The following BIRC6 variants were observed in gnomAD, a reference collection of about 807,000 sequenced individuals.
BIRC6 encodes baculoviral IAP repeat containing 6.
Under a neutral mutation model 503.3 loss-of-function variants are expected in BIRC6, and 98 were observed. The observed-to-expected ratio is 0.19, with a 90% CI of 0.17 to 0.23. The LOEUF is 0.23. Ranked by LOEUF, BIRC6 falls within the 10% of genes least tolerant of loss-of-function variation. The pLI is 1.00. For synonymous variants in BIRC6, 2,240 were observed against 2,078.7 expected (o/e 1.08, Z -2.11); for missense variants, 5,360 against 5,806.0 (o/e 0.92, Z 2.50).
At chr2:32,484,177 G>T (rs1488554932) in intron 39 of BIRC6, among the ~76,000 whole-genome samples, 1 of 152,116 alleles carries the variant, frequency 6.6e-6, no homozygotes, top group Non-Finnish European at 1.5e-5. Flanking sequence ...GTGCCCGGCT[G>T]CTGTAAAAAG....
At chr2:32,459,292 A>C (rs1351880369) in intron 23 of BIRC6, among the ~76,000 whole-genome samples, 1 of 152,210 alleles carries the variant, frequency 6.6e-6, no homozygotes, top group East Asian at 1.9e-4. Flanking sequence ...TTCTGGCTGA[A>C]TATTCCATTT....
chr2:32,439,780 A>G lies in BIRC6; in HGVS notation c.3810+94A>G, dbSNP rs2045196582. On this transcript the variant is annotated intron_variant, in intron 16 of 73. Coordinates refer to ENST00000421745, the MANE Select transcript of BIRC6 (RefSeq NM_016252.4). The stretch of plus-strand genomic sequence containing the variant: ...TTAGAAGTAGTATGACCTTTCAGTG[A>G]TGTTTTACTATACGCTTGGTTTGTT... The G allele has an allele frequency of 1.3e-5, 14 of 1,077,234 alleles. 1 individual carries two copies. Among genetic ancestry groups the G allele is most frequent in the African/African-American group, 3.2e-5 (2 of 62,244 alleles). The allele number at this position is 1,077,234 out of a possible 1,614,324, so 66.7% of individuals were successfully genotyped here.
At chr2:32,392,431 T>G (rs529953427) in intron 5 of BIRC6, among the ~76,000 whole-genome samples, 84 of 151,890 alleles carry the variant, frequency 5.5e-4, no homozygotes, top group Non-Finnish European at 1.1e-3. Context: ...AATTTTTGTA[T>G]TTTTAGTAGA....
chr2:32,414,765 A>G lies in BIRC6; in HGVS notation c.1478-4A>G. On this transcript the variant is annotated splice_region_variant and splice_polypyrimidine_tract_variant and intron_variant, in intron 9 of 73. Coordinates refer to ENST00000421745, the MANE Select transcript of BIRC6 (RefSeq NM_016252.4). ...TATCTAATGAATATTGTTCCTTTTT[A>G]AAGGGCATACATCACAGAAGGAAGC... 3.7e-6 allele frequency: 6 copies of G among 1,602,798 alleles called. No individual in the cohort carries two copies. The South Asian group carries it at 6.7e-5, about 18-fold the overall frequency.
At chr2:32,403,646 A>G (rs2040842136) in intron 8 of BIRC6, among the ~76,000 whole-genome samples, 1 of 152,218 alleles carries the variant, frequency 6.6e-6, no homozygotes, top group Admixed American at 6.5e-5. Flanking sequence ...TACTGTTACA[A>G]TATTAGTATG....
chr2:32,541,961 C>G (rs1572907646), intron 61 of BIRC6, among the ~76,000 whole-genome samples: 1 of 151,942 alleles, frequency 6.6e-6, no homozygotes, highest in South Asian at 2.1e-4. Context: ...AATCAATTTT[C>G]TTTTGCGTGG....
intron 39 of BIRC6, among the ~76,000 whole-genome samples, chr2:32,483,448 C>T (rs1490586525): frequency 2.6e-5 from 4 of 152,040 alleles, no homozygotes; most frequent in African/African-American, 9.7e-5. Flanking sequence ...TTTTGTTTTA[C>T]AAATCAGGAC....
At chr2:32,435,701 T>A in intron 14 of BIRC6, 116 bp downstream of exon 14, 3 of 1,096,674 alleles carry the variant, frequency 2.7e-6, no homozygotes, top group African/African-American at 1.6e-5. Flanking sequence ...AGAACACAAT[T>A]AAAAAATAAC....
chr2:32,591,830 AT>A (rs768607067), intron 66 of BIRC6, among the ~76,000 whole-genome samples: 2 of 152,308 alleles, frequency 1.3e-5, no homozygotes, highest in Admixed American at 6.5e-5. Context: ...ATAGAGAATC[AT>A]TTACAACTGG....
chr2:32,481,237 A>T lies in BIRC6; in HGVS notation c.7409-83A>T, dbSNP rs2050369414. 5 of 1,265,384 alleles carry T rather than the reference A, an allele frequency of 4.0e-6. No homozygotes were observed. In the South Asian group the frequency reaches 1.1e-4, roughly 27 times the overall value. The allele number at this position is 1,265,384 out of a possible 1,614,324, so 78.4% of individuals were successfully genotyped here. On this transcript the variant is annotated intron_variant, in intron 37 of 73. Coordinates refer to ENST00000421745, the MANE Select transcript of BIRC6 (RefSeq NM_016252.4). ...GGCATATGTAACATGCAAGTAAAAT[A>T]ACTTTTTTTAACTAAAAGCATTATG...
chr2:32,561,336 A>G (rs2059171153), intron 65 of BIRC6, among the ~76,000 whole-genome samples: 1 of 151,734 alleles, frequency 6.6e-6, no homozygotes, highest in Non-Finnish European at 1.5e-5. Flanking sequence ...CCACTTCCCA[A>G]GCTCAAGTGA....
At chr2:32,484,701 T>A (rs2050805998) in intron 39 of BIRC6, among the ~76,000 whole-genome samples, 1 of 152,262 alleles carries the variant, frequency 6.6e-6, no homozygotes. Context: ...TAACATAAAA[T>A]TTTTCTTTTT....
chr2:32,506,880 CA>C (rs2053854945), intron 50 of BIRC6, among the ~76,000 whole-genome samples: 2 of 152,058 alleles, frequency 1.3e-5, no homozygotes, highest in African/African-American at 4.8e-5. Flanking sequence ...ATACTTTCCT[CA>C]AAAGGTTTTG....
Position 32,549,344 on chromosome 2 carries a change from G to T in BIRC6, c.13007G>T (p.Ser4336Ile). ...VLASYINPVS[S>I]AVNGEAQSSH... ...GCCAGTTACATAAATCCCGTCAGTA[G>T]TGCGGTAAATGGAGAAGCTCAGTCA... The change falls in exon 65 of 74, where the codon AGT becomes ATT. Residue 4336 changes from serine to isoleucine, a missense_variant. Physicochemically the swap from Ser to Ile is moderately radical, Grantham distance 142. Transcript: ENST00000421745. The T allele has an allele frequency of 6.8e-7, 1 of 1,475,804 alleles. No homozygotes were observed. The highest frequency in any genetic ancestry group is 9.2e-7 in the Non-Finnish European group (1 of 1,091,128). The allele number at this position is 1,475,804 out of a possible 1,614,324, so 91.4% of individuals were successfully genotyped here. A position where few individuals can be genotyped will look rare whatever the true frequency, so the allele number is the denominator to read the frequency against.
At chr2:32,530,112 C>G (rs1334863589) in intron 60 of BIRC6, among the ~76,000 whole-genome samples, 4 of 152,182 alleles carry the variant, frequency 2.6e-5, no homozygotes, top group Non-Finnish European at 4.4e-5. Context: ...AGAAACTCAA[C>G]TTACAACTTT....
intron 37 of BIRC6, among the ~76,000 whole-genome samples, chr2:32,480,621 CTTTTTTTTTTTTTTTTTTTTTTT>C (rs560251664): frequency 1.5e-4 from 9 of 60,722 alleles, no homozygotes; most frequent in South Asian, 7.2e-4. Flanking sequence ...AGGTAAATGG[CTTTTTTTTTTTTTTTTTTTTTTT>C]TTTTTTTTTT....
At chr2:32,537,211 C>T (rs2057304500) in intron 61 of BIRC6, among the ~76,000 whole-genome samples, 1 of 152,112 alleles carries the variant, frequency 6.6e-6, no homozygotes, top group South Asian at 2.1e-4. Flanking sequence ...CCATTGTCAA[C>T]ATTAGACAGA....
At position 32,357,986 on chromosome 2, in the gene BIRC6, C is replaced by G. The variant is rs936533108; in HGVS notation, c.325+500C>G. The stretch of plus-strand genomic sequence containing the variant: ...GCCGGCAGTCTGCTGTTCTCAGGTC[C>G]CGCAGTGCGGGGGACAGACCGCGGG... On this transcript the variant is annotated intron_variant, in intron 1 of 73. Transcript: ENST00000421745. The surrounding 1 kb of genome is among the most constrained non-coding windows in gnomAD (Gnocchi z 4.9). Among the ~76,000 whole-genome samples, 5 of 154 alleles carry G rather than the reference C, an allele frequency of 0.032. No homozygotes were observed. Among genetic ancestry groups the G allele is most frequent in the South Asian group, 0.31 (5 of 16 alleles). The allele number at this position is 154 out of a possible 152,430, so 0.1% of individuals were successfully genotyped here. A position where few individuals can be genotyped will look rare whatever the true frequency, so the allele number is the denominator to read the frequency against.
intron 57 of BIRC6, among the ~76,000 whole-genome samples, chr2:32,523,802 C>A (rs1208141112): frequency 6.6e-6 from 1 of 152,122 alleles, no homozygotes; most frequent in South Asian, 2.1e-4. Context: ...GCCTGGAATC[C>A]TAGCACTTTA....
Sources: gnomAD v4.1 joint callset for allele counts (sites outside exome capture counted in the v4.1 genomes callset) on GRCh38, gnomAD v4.1.1 for gene constraint, Gnocchi (gnomAD v3.1) non-coding constraint, MANE v1.5 for transcripts, NCBI Gene and HGNC (gene_info 2026-07-23, HGNC 2026-07-21) for gene names.